GREM1: variants seen among roughly 807,000 people sequenced by gnomAD.
GREM1 encodes gremlin-1.
GREM1 carries 6 observed loss-of-function variants against 13.1 expected under a neutral mutation model. The observed-to-expected ratio is 0.46, with a 90% confidence interval of 0.25 to 0.91. The LOEUF is 0.91. Ranked by LOEUF, GREM1 falls within the 40% of genes least tolerant of loss-of-function variation. The probability of loss-of-function intolerance (pLI) is 0.18; values close to 1 mark genes in which losing one functional copy is unlikely to be tolerated. For missense variants in GREM1, 185 were observed against 233.9 expected (o/e 0.79, Z 1.36); for synonymous variants, 98 against 93.7 (o/e 1.05, Z -0.27).
Position 32,744,500 on chromosome 15 carries a change from G to A in GREM1, c.*13255G>A, listed in dbSNP as rs2055788840. On this transcript the variant is annotated 3_prime_UTR_variant, in exon 2 of 2. Coordinates refer to ENST00000651154, the MANE Select transcript of GREM1 (RefSeq NM_013372.7). The stretch of plus-strand genomic sequence containing the variant: ...AGGCAGGGGAATGGCGTGAACCCGG[G>A]AGACGGAGCTTGCAGTGAGCCGAGA... 6.7e-6 allele frequency: 1 copy of A among 150,198 alleles called. No individual in the cohort carries two copies. The highest frequency in any genetic ancestry group is 1.5e-5 in the Non-Finnish European group (1 of 67,770). 9.3% of individuals were successfully genotyped at this position (150,198 alleles called of 1,614,324 possible).
rs1330099137 is a variant in GREM1, at chr15:32,744,050, C to T, written c.*12805C>T. The stretch of plus-strand genomic sequence containing the variant: ...CCAAAGTTACAAACCTTTACTTTTG[C>T]TTTATCTTATTTGTTAGAGCAAGTC... On this transcript the variant is annotated 3_prime_UTR_variant, in exon 2 of 2. Coordinates refer to ENST00000651154, the MANE Select transcript of GREM1 (RefSeq NM_013372.7). 4 of 152,090 alleles carry T rather than the reference C, an allele frequency of 2.6e-5. No individual in the cohort carries two copies. The highest frequency in any genetic ancestry group is 5.9e-5 in the Non-Finnish European group (4 of 68,004). 9.4% of individuals were successfully genotyped at this position (152,090 alleles called of 1,614,324 possible). A position where few individuals can be genotyped will look rare whatever the true frequency, so the allele number is the denominator to read the frequency against.
chr15:32,726,270 T>G (rs2055502081), intron 1 of GREM1, among the ~76,000 whole-genome samples: 1 of 152,060 alleles, frequency 6.6e-6, no homozygotes, highest in African/African-American at 2.4e-5. Context: ...CCTCAGCAAA[T>G]GCAAAAAACA....
Position 32,731,319 on chromosome 15 carries a change from C to A in GREM1, c.*74C>A. 8.2e-7 allele frequency: 1 copy of A among 1,217,842 alleles called. No individual in the cohort carries two copies. Among genetic ancestry groups the A allele is most frequent in the Non-Finnish European group, 1.2e-6 (1 of 852,978 alleles). The allele number at this position is 1,217,842 out of a possible 1,614,324, so 75.4% of individuals were successfully genotyped here. On this transcript the variant is annotated 3_prime_UTR_variant, in exon 2 of 2. Transcript: ENST00000651154. ...GTCCCAGACCTAAAACAACCAGATT[C>A]TTACTTGGCTTAAACCTAGAGGCCA...
intron 1 of GREM1, among the ~76,000 whole-genome samples, chr15:32,722,922 T>C (rs1015911973): frequency 2.0e-5 from 3 of 152,148 alleles, no homozygotes; most frequent in African/African-American, 2.4e-5. Context: ...AAAGAAGATA[T>C]ACTGTCTGCA....
At position 32,738,119 on chromosome 15, in the gene GREM1, AAAAAAAAAAAAAAAG is replaced by A. The variant is rs2055725260; in HGVS notation, c.*6879_*6893del. The A allele has an allele frequency of 3.8e-5, 5 of 131,804 alleles. No homozygotes were observed. Among genetic ancestry groups the A allele is most frequent in the Admixed American group, 7.8e-5 (1 of 12,750 alleles). 8.2% of individuals were successfully genotyped at this position (131,804 alleles called of 1,614,324 possible). A position where few individuals can be genotyped will look rare whatever the true frequency, so the allele number is the denominator to read the frequency against. ...AAAAAAAAAAAAAAAAAAAAAAAAA[AAAAAAAAAAAAAAAG>A]AAAAGAAAAAAGTCATCCAGATTGG... On this transcript the variant is annotated 3_prime_UTR_variant, in exon 2 of 2. Transcript: ENST00000651154.
chr15:32,720,679 G>A (rs899410095), intron 1 of GREM1, among the ~76,000 whole-genome samples: 4 of 152,198 alleles, frequency 2.6e-5, no homozygotes, highest in African/African-American at 9.7e-5. Flanking sequence ...CCTGGGACAA[G>A]AGAAATCTTT....
intron 1 of GREM1, among the ~76,000 whole-genome samples, chr15:32,724,929 G>T (rs1453922859): frequency 1.3e-5 from 2 of 151,942 alleles, no homozygotes; most frequent in African/African-American, 4.8e-5. Context: ...GAGAATGATG[G>T]TTTTTGGCTT....
At position 32,735,767 on chromosome 15, in the gene GREM1, G is replaced by A. The variant is rs2055688914; in HGVS notation, c.*4522G>A. 2.4e-5 allele frequency: 2 copies of A among 82,654 alleles called. No individual in the cohort carries two copies. 5.1% of individuals were successfully genotyped at this position (82,654 alleles called of 1,614,324 possible). ...GACTTGACACGGAAGAGCATTTCAA[G>A]CTTAAGAAAAAAAAAAAAAAGAAGA... On this transcript the variant is annotated 3_prime_UTR_variant, in exon 2 of 2. Transcript: ENST00000651154.
Position 32,744,899 on chromosome 15 carries a change from A to G in GREM1, c.*13654A>G, listed in dbSNP as rs2055793011. The G allele has an allele frequency of 6.6e-6, 1 of 152,066 alleles. No homozygotes were observed. Among genetic ancestry groups the G allele is most frequent in the Non-Finnish European group, 1.5e-5 (1 of 68,004 alleles). The allele number at this position is 152,066 out of a possible 1,614,324, so 9.4% of individuals were successfully genotyped here. A position where few individuals can be genotyped will look rare whatever the true frequency, so the allele number is the denominator to read the frequency against. ...CCGTTTCCTCCCATTCACTCTCCAC[A>G]TCTCCAATCCTGGCATTGTCTGCTT... is the stretch of plus-strand genomic sequence containing the variant. On this transcript the variant is annotated 3_prime_UTR_variant, in exon 2 of 2. Coordinates refer to ENST00000651154, the MANE Select transcript of GREM1 (RefSeq NM_013372.7).
At chr15:32,729,048 G>C (rs148525764) in intron 1 of GREM1, among the ~76,000 whole-genome samples, 259 of 150,164 alleles carry the variant, frequency 1.7e-3, no homozygotes, top group African/African-American at 6.1e-3. Flanking sequence ...TTTTGAGACA[G>C]AGTCTCGCTC....
chr15:32,721,713 C>T (rs2055411883), intron 1 of GREM1, among the ~76,000 whole-genome samples: 1 of 152,106 alleles, frequency 6.6e-6, no homozygotes, highest in Non-Finnish European at 1.5e-5. Context: ...GATATCGTGC[C>T]AGTGCACTCC....
rs1477507661 is a variant in GREM1, at chr15:32,732,893, AGC to A, written c.*1649_*1650del. On this transcript the variant is annotated 3_prime_UTR_variant, in exon 2 of 2. Transcript: ENST00000651154. ...TACTCTTTTTGCCTTGTATCTTCTC[AGC>A]CTCCTAGCCAAGTCCTATGTAATAT... 2 of 220,212 alleles carry A rather than the reference AGC, an allele frequency of 9.1e-6. No individual in the cohort carries two copies. The highest frequency in any genetic ancestry group is 9.9e-6 in the Non-Finnish European group (1 of 100,600). 13.6% of individuals were successfully genotyped at this position (220,212 alleles called of 1,614,324 possible). A position where few individuals can be genotyped will look rare whatever the true frequency, so the allele number is the denominator to read the frequency against.
Position 32,738,050 on chromosome 15 carries a change from A to AT in GREM1, c.*6807dup, listed in dbSNP as rs754138757. ...TCTGCTGTCACTATTTTTATTCAAT[A>AT]TTATACTGGAGGTTCTACCTAGGGT... is the stretch of plus-strand genomic sequence containing the variant. On this transcript the variant is annotated 3_prime_UTR_variant, in exon 2 of 2. Coordinates refer to ENST00000651154, the MANE Select transcript of GREM1 (RefSeq NM_013372.7). 1.7e-4 allele frequency: 22 copies of AT among 130,624 alleles called. No homozygotes were observed. The highest frequency in any genetic ancestry group is 6.1e-4 in the African/African-American group (22 of 35,822). 8.1% of individuals were successfully genotyped at this position (130,624 alleles called of 1,614,324 possible).
intron 1 of GREM1, 112 bp downstream of exon 1, chr15:32,718,273 C>T (rs2055330277): frequency 2.4e-6 from 2 of 836,112 alleles, no homozygotes; most frequent in South Asian, 1.4e-5. Flanking sequence ...CGCGCAGGCT[C>T]GGGTGCGTTG....
At position 32,739,418 on chromosome 15, in the gene GREM1, AT is replaced by A. The variant is rs1334295047; in HGVS notation, c.*8174del. 6.6e-6 allele frequency: 1 copy of A among 152,242 alleles called. No homozygotes were observed. The highest frequency in any genetic ancestry group is 1.5e-5 in the Non-Finnish European group (1 of 68,042). The allele number at this position is 152,242 out of a possible 1,614,324, so 9.4% of individuals were successfully genotyped here. ...CTTAGTCTGGTTGCAAACAGTTTAA[AT>A]GAGAAAAGATAAGGCCTGAATTAAG... On this transcript the variant is annotated 3_prime_UTR_variant, in exon 2 of 2. Coordinates refer to ENST00000651154, the MANE Select transcript of GREM1 (RefSeq NM_013372.7).
chr15:32,724,971 T>C (rs2055475628), intron 1 of GREM1, among the ~76,000 whole-genome samples: 1 of 152,222 alleles, frequency 6.6e-6, no homozygotes, highest in Non-Finnish European at 1.5e-5. Context: ...CATGAACTCA[T>C]CCTTTTTATG....
Position 32,744,025 on chromosome 15 carries a change from C to T in GREM1, c.*12780C>T, listed in dbSNP as rs1490807907. The T allele has an allele frequency of 6.6e-6, 1 of 152,126 alleles. No individual in the cohort carries two copies. The highest frequency in any genetic ancestry group is 1.5e-5 in the Non-Finnish European group (1 of 68,026). The allele number at this position is 152,126 out of a possible 1,614,324, so 9.4% of individuals were successfully genotyped here. A position where few individuals can be genotyped will look rare whatever the true frequency, so the allele number is the denominator to read the frequency against. On this transcript the variant is annotated 3_prime_UTR_variant, in exon 2 of 2. Transcript: ENST00000651154. The stretch of plus-strand genomic sequence containing the variant: ...CACAGTGCCTTTCATGACTTACTCT[C>T]CAAAGTTACAAACCTTTACTTTTGC...
intron 1 of GREM1, among the ~76,000 whole-genome samples, chr15:32,720,151 T>G: frequency 6.6e-6 from 1 of 152,182 alleles, no homozygotes. Context: ...TTTTGTAAAC[T>G]TTGTAATTTC....
At position 32,731,079 on chromosome 15, in the gene GREM1, A is replaced by T. The variant is rs765373204; in HGVS notation, c.389A>T (p.His130Leu). Reference protein sequence around the residue: ...GQCNSFYIPRHIRKEEGSFQS... With the variant: ...GQCNSFYIPRLIRKEEGSFQS... Reference sequence around the variant, plus strand: ...TGCAACTCTTTCTACATCCCCAGGCACATCCGGAAGGAGGAAGGTTCCTTT... The same window carrying T: ...TGCAACTCTTTCTACATCCCCAGGCTCATCCGGAAGGAGGAAGGTTCCTTT... The change falls in exon 2 of 2, where the codon CAC becomes CTC. Residue 130 changes from histidine to leucine, a missense_variant. Coordinates refer to ENST00000651154, the MANE Select transcript of GREM1 (RefSeq NM_013372.7). 1 of 1,614,200 alleles carries T rather than the reference A, an allele frequency of 6.2e-7. No homozygotes were observed. The highest frequency in any genetic ancestry group is 2.2e-5 in the East Asian group (1 of 44,878).
Sources: gnomAD v4.1 joint callset for allele counts (sites outside exome capture counted in the v4.1 genomes callset) on GRCh38, gnomAD v4.1.1 for gene constraint, MANE v1.5 for transcripts, NCBI Gene and HGNC (gene_info 2026-07-23, HGNC 2026-07-21) for gene names.